The following ENTPD5 variants were observed in gnomAD, a reference collection of about 807,000 sequenced individuals.
ENTPD5 encodes the protein ectonucleoside triphosphate diphosphohydrolase 5 (inactive).
In ENTPD5, 49 loss-of-function variants were observed where a neutral mutation model predicts 60.2. The ratio of observed to expected loss-of-function variants is 0.81; its 90% confidence interval spans 0.65 to 1.03. The LOEUF (loss-of-function observed/expected upper bound fraction) is 1.03. Among genes scored for constraint, ENTPD5 ranks in the 50% least tolerant of loss-of-function variants. The pLI is 0.00. For synonymous variants in ENTPD5, 187 were observed against 185.4 expected (o/e 1.01, Z -0.07); for missense variants, 480 against 507.6 (o/e 0.95, Z 0.52).
intron 6 of ENTPD5, among the ~76,000 whole-genome samples, chr14:73,979,139 C>T (rs2057566891): frequency 6.6e-6 from 1 of 152,120 alleles, no homozygotes; most frequent in African/African-American, 2.4e-5. Context: ...AATATTCTTC[C>T]CACAAATGTC....
chr14:73,984,015 A>G (rs936113068), intron 5 of ENTPD5, among the ~76,000 whole-genome samples: 2 of 150,890 alleles, frequency 1.3e-5, no homozygotes, highest in African/African-American at 4.9e-5. Context: ...TATTGTGATC[A>G]TTTTAGTTGA....
chr14:73,975,824 G>T, intron 10 of ENTPD5, 112 bp downstream of exon 10: 1 of 893,496 alleles, frequency 1.1e-6, no homozygotes, highest in Non-Finnish European at 1.7e-6. Flanking sequence ...TTAGGGAATT[G>T]GCACAGACTT....
chr14:73,985,792 G>C (rs58199545), intron 5 of ENTPD5, among the ~76,000 whole-genome samples: 9,441 of 151,846 alleles, frequency 0.062, 473 homozygotes, highest in South Asian at 0.27. Flanking sequence ...ATCCTCTCGG[G>C]GCCAGGTGCA....
intron 3 of ENTPD5, among the ~76,000 whole-genome samples, chr14:73,994,484 C>T (rs2058263381): frequency 6.6e-6 from 1 of 151,648 alleles, no homozygotes. Context: ...GCCTGTAATC[C>T]AGCACTTTGG....
intron 5 of ENTPD5, among the ~76,000 whole-genome samples, chr14:73,985,641 G>C (rs1305755311): frequency 6.6e-6 from 1 of 152,102 alleles, no homozygotes; most frequent in Non-Finnish European, 1.5e-5. Flanking sequence ...CTGGATATTA[G>C]CCCTTTGTCA....
chr14:74,018,441 C>T (rs917714101), intron 1 of ENTPD5: 8 of 152,178 alleles, frequency 5.3e-5, no homozygotes, highest in African/African-American at 1.9e-4. Flanking sequence ...CACAAGTCTC[C>T]TAACTATTGG....
intron 3 of ENTPD5, chr14:73,996,429 G>C (rs1448392728): frequency 1.3e-5 from 2 of 150,404 alleles, no homozygotes; most frequent in Admixed American, 6.7e-5. Context: ...AAATAGAAAA[G>C]TTAATAGCAC....
At chr14:74,001,666 CAAAAAAAAAAAAAAAAAA>C (rs541623960) in intron 3 of ENTPD5, among the ~76,000 whole-genome samples, 3 of 49,338 alleles carry the variant, frequency 6.1e-5, no homozygotes, top group African/African-American at 1.6e-4. Context: ...GACCTCATCT[CAAAAAAAAAAAAAAAAAA>C]AAAAAAAAAA....
chr14:74,009,958 A>AT (rs1451699773), intron 3 of ENTPD5, among the ~76,000 whole-genome samples: 2 of 151,902 alleles, frequency 1.3e-5, no homozygotes, highest in African/African-American at 4.8e-5. Context: ...CGCCCAGCTA[A>AT]TTTTTTGTAT....
At chr14:73,999,395 C>T (rs1228149242) in intron 3 of ENTPD5, among the ~76,000 whole-genome samples, 2 of 151,760 alleles carry the variant, frequency 1.3e-5, no homozygotes, top group Non-Finnish European at 1.5e-5. Context: ...GACTGAGGAA[C>T]GAGAATTGCT....
chr14:73,969,738 T>TAAATAAAC (rs1208129494), intron 15 of ENTPD5, among the ~76,000 whole-genome samples: 1 of 151,662 alleles, frequency 6.6e-6, no homozygotes. Flanking sequence ...AATAAATAAA[T>TAAATAAAC]AAACCATGTG....
chr14:74,017,601 A>G (rs2059071245), intron 1 of ENTPD5, among the ~76,000 whole-genome samples: 1 of 149,016 alleles, frequency 6.7e-6, no homozygotes, highest in African/African-American at 2.5e-5. Flanking sequence ...AAAAAATTTT[A>G]CAGCCGGGGG....
intron 2 of ENTPD5, among the ~76,000 whole-genome samples, chr14:74,014,739 T>A (rs1262244048): frequency 3.9e-5 from 6 of 152,122 alleles, no homozygotes; most frequent in Non-Finnish European, 8.8e-5. Context: ...AAATGTCAAT[T>A]TAGTAGAATT....
chr14:73,993,258 A>T (rs546457924), intron 3 of ENTPD5, among the ~76,000 whole-genome samples: 2 of 152,070 alleles, frequency 1.3e-5, no homozygotes, highest in Non-Finnish European at 2.9e-5. Flanking sequence ...GGATCTCTGG[A>T]TCCCGGGAAG....
At chr14:73,979,236 T>C (rs1353002546) in intron 6 of ENTPD5, among the ~76,000 whole-genome samples, 1 of 152,080 alleles carries the variant, frequency 6.6e-6, no homozygotes, top group Non-Finnish European at 1.5e-5. Context: ...CTATTTAAAA[T>C]AGCATTTCCC....
intron 6 of ENTPD5, among the ~76,000 whole-genome samples, chr14:73,978,728 T>A (rs985430218): frequency 6.6e-6 from 1 of 151,904 alleles, no homozygotes; most frequent in African/African-American, 2.4e-5. Flanking sequence ...CTGACCAACA[T>A]GGTGAAAACC....
At chr14:73,976,473 C>G in intron 8 of ENTPD5, 61 bp from the exon 9 acceptor site, 1 of 1,327,034 alleles carries the variant, frequency 7.5e-7, no homozygotes, top group South Asian at 1.2e-5. Context: ...ACACTTGTCT[C>G]TCTTGCTCTT....
Position 73,975,928 on chromosome 14 carries a change from G to T in ENTPD5, c.722+8C>A, listed in dbSNP as rs142846419. ...TGAAATATTCTTCTTCCCTGTCCCC[G>T]TCCTCACCTATGTGTATAGAGCTTA... On this transcript the variant is annotated splice_region_variant and intron_variant, in intron 10 of 15. Coordinates refer to ENST00000334696, the MANE Select transcript of ENTPD5 (RefSeq NM_001249.5). 1.9e-6 allele frequency: 3 copies of T among 1,589,986 alleles called. No individual in the cohort carries two copies. The highest frequency in any genetic ancestry group is 2.6e-6 in the Non-Finnish European group (3 of 1,160,700).
intron 5 of ENTPD5, among the ~76,000 whole-genome samples, chr14:73,985,663 T>A (rs2057868736): frequency 6.6e-6 from 1 of 152,196 alleles, no homozygotes; most frequent in Non-Finnish European, 1.5e-5. Context: ...GTGGGTAGAT[T>A]GTAAAAATTT....
Sources: allele counts gnomAD v4.1 joint callset (sites outside exome capture counted in the v4.1 genomes callset), GRCh38; gene constraint gnomAD v4.1.1; transcripts MANE v1.5; gene names NCBI Gene and HGNC (gene_info 2026-07-23, HGNC 2026-07-21).